The following PTPRD variants were observed in gnomAD, a reference collection of about 807,000 sequenced individuals.
PTPRD encodes receptor-type tyrosine-protein phosphatase delta.
In PTPRD, 34 loss-of-function variants were observed where a neutral mutation model predicts 214.5. The observed-to-expected ratio is 0.16, with a 90% confidence interval of 0.12 to 0.21. The LOEUF (loss-of-function observed/expected upper bound fraction) is 0.21. Among genes scored for constraint, PTPRD ranks in the 10% least tolerant of loss-of-function variants. PTPRD has a pLI of 1.00. For missense variants in PTPRD, 2,545 were observed against 2,398.7 expected (o/e 1.06, Z -1.27); for synonymous variants, 1,128 against 845.7 (o/e 1.33, Z -5.79).
At chr9:10,104,667 C>A (rs183047308) in intron 3 of PTPRD, among the ~76,000 whole-genome samples, 1 of 151,670 alleles carries the variant, frequency 6.6e-6, no homozygotes, top group Non-Finnish European at 1.5e-5. Flanking sequence ...TATATTAAAA[C>A]GCCAGTACTT....
chr9:9,483,535 C>G (rs1037677699), intron 8 of PTPRD, among the ~76,000 whole-genome samples: 1 of 152,026 alleles, frequency 6.6e-6, no homozygotes, highest in African/African-American at 2.4e-5. Flanking sequence ...TTACTAGAGT[C>G]TAAAGACAAA....
At chr9:8,727,890 T>C (rs1037956911) in intron 12 of PTPRD, among the ~76,000 whole-genome samples, 8 of 152,172 alleles carry the variant, frequency 5.3e-5, no homozygotes, top group South Asian at 2.1e-4. Context: ...ATTTAAAGTA[T>C]ACAATTCAAT....
intron 11 of PTPRD, among the ~76,000 whole-genome samples, chr9:8,955,306 T>C (rs146132022): frequency 6.6e-6 from 1 of 151,982 alleles, no homozygotes; most frequent in East Asian, 1.9e-4. Context: ...GGAGATAGGC[T>C]GTCTTCTTAA....
chr9:9,437,073 A>G (rs1248151895), intron 8 of PTPRD, among the ~76,000 whole-genome samples: 1 of 152,190 alleles, frequency 6.6e-6, no homozygotes, highest in East Asian at 1.9e-4. Context: ...AAAGCAATGT[A>G]ATAAACTCTA....
chr9:10,273,287 C>CA (rs1418756470), intron 3 of PTPRD, among the ~76,000 whole-genome samples: 1 of 152,048 alleles, frequency 6.6e-6, no homozygotes, highest in African/African-American at 2.4e-5. Context: ...TTCATATTGC[C>CA]ACACCATGGG....
At chr9:9,367,246 G>A (rs2058131786) in intron 9 of PTPRD, among the ~76,000 whole-genome samples, 1 of 151,284 alleles carries the variant, frequency 6.6e-6, no homozygotes, top group Non-Finnish European at 1.5e-5. Context: ...CAGTGGGGGA[G>A]GTGGAATTCA....
rs189167294 is a variant in PTPRD at position 9,386,113 on chromosome 9, A to C, written c.-203+11336T>G. ...TATTTGTTTACCCCAAGCTTAGGTG[A>C]AATTGTATTACCTGAGTCCTAGTCT... On this transcript the variant is annotated intron_variant, in intron 9 of 45. Coordinates refer to ENST00000381196, the MANE Select transcript of PTPRD (RefSeq NM_002839.4). 2.8e-4 allele frequency among the ~76,000 whole-genome samples: 42 copies of C among 152,300 alleles called. No individual in the cohort carries two copies. The East Asian group carries it at 7.5e-3, about 27-fold the overall frequency.
intron 2 of PTPRD, among the ~76,000 whole-genome samples, chr9:10,579,443 AT>A (rs1171358768): frequency 6.6e-6 from 1 of 152,008 alleles, no homozygotes; most frequent in African/African-American, 2.4e-5. Flanking sequence ...AAAGAACATG[AT>A]TTTGTTCTTT....
chr9:9,350,321 A>ATG (rs948919850), intron 9 of PTPRD, among the ~76,000 whole-genome samples: 1 of 152,086 alleles, frequency 6.6e-6, no homozygotes, highest in Non-Finnish European at 1.5e-5. Context: ...GTGCAGAGGT[A>ATG]TGTGATATGG....
chr9:10,052,492 G>A (rs1182323126), intron 3 of PTPRD, among the ~76,000 whole-genome samples: 1 of 151,894 alleles, frequency 6.6e-6, no homozygotes, highest in African/African-American at 2.4e-5. Context: ...GCCAAGCTAT[G>A]CAAAAAAGGA....
At chr9:8,750,194 A>G (rs112720667) in intron 11 of PTPRD, among the ~76,000 whole-genome samples, 8,760 of 152,006 alleles carry the variant, frequency 0.058, 646 homozygotes, top group African/African-American at 0.17. Flanking sequence ...GTCTCATTCT[A>G]TCTCCGAGGC....
In PTPRD at chr9:8,338,922, C is replaced by T. The variant is rs1387803786; in HGVS notation, c.5379G>A (p.Arg1793=). The change falls in exon 43 of 46, where the codon AGG becomes AGA. Residue 1793 remains arginine, a splice_region_variant and synonymous_variant. Coordinates refer to ENST00000381196, the MANE Select transcript of PTPRD (RefSeq NM_002839.4). The part of the protein sequence containing the change: ...ILREFKVTDA[R]DGQSRTVRQF... Reference sequence around the variant, plus strand: ...AGAGTTGAAGACTGTGCCAACTTACCCTGGCATCTGTGACCTTGAATTCCC... The same window carrying T: ...AGAGTTGAAGACTGTGCCAACTTACTCTGGCATCTGTGACCTTGAATTCCC... 7 of 1,602,406 alleles carry T rather than the reference C, an allele frequency of 4.4e-6. No individual in the cohort carries two copies. In the African/African-American group the frequency reaches 9.4e-5, roughly 22 times the overall value.
chr9:9,741,790 C>G (rs2098405873), intron 6 of PTPRD, among the ~76,000 whole-genome samples: 1 of 152,088 alleles, frequency 6.6e-6, no homozygotes, highest in Non-Finnish European at 1.5e-5. Context: ...TGAACTCATT[C>G]TTTTTTATGG....
At chr9:10,162,691 A>G (rs1013088995) in intron 3 of PTPRD, among the ~76,000 whole-genome samples, 23 of 147,144 alleles carry the variant, frequency 1.6e-4, no homozygotes, top group African/African-American at 5.4e-4. Context: ...ATATATGTGT[A>G]TATATATACA....
At chr9:10,446,068 G>T (rs889138012) in intron 2 of PTPRD, among the ~76,000 whole-genome samples, 1 of 151,912 alleles carries the variant, frequency 6.6e-6, no homozygotes, top group African/African-American at 2.4e-5. Flanking sequence ...GAGCGGGGAA[G>T]TACCCAAATT....
intron 3 of PTPRD, among the ~76,000 whole-genome samples, chr9:10,078,102 A>G (rs1193670120): frequency 7.0e-6 from 1 of 142,834 alleles, no homozygotes; most frequent in African/African-American, 2.5e-5. Context: ...TTAGAAAATA[A>G]CTTAGTAACT....
At chr9:9,419,094 C>T (rs775988810) in intron 8 of PTPRD, among the ~76,000 whole-genome samples, 1 of 148,276 alleles carries the variant, frequency 6.7e-6, no homozygotes, top group Non-Finnish European at 1.5e-5. Context: ...ACTGGGTAAG[C>T]TTAGTTTTAT....
chr9:9,712,639 T>C (rs2097757803), intron 7 of PTPRD, among the ~76,000 whole-genome samples: 1 of 152,160 alleles, frequency 6.6e-6, no homozygotes, highest in African/African-American at 2.4e-5. Context: ...TTCTTGAACG[T>C]ACATGTATCC....
intron 5 of PTPRD, among the ~76,000 whole-genome samples, chr9:9,779,531 A>T (rs994515375): frequency 7.9e-5 from 12 of 151,428 alleles, no homozygotes; most frequent in Admixed American, 4.6e-4. Context: ...AACTTTATTT[A>T]AAAAAATGGA....
Sources: gnomAD v4.1 joint callset for allele counts (sites outside exome capture counted in the v4.1 genomes callset) on GRCh38, gnomAD v4.1.1 for gene constraint, MANE v1.5 for transcripts, NCBI Gene and HGNC (gene_info 2026-07-23, HGNC 2026-07-21) for gene names.